SF3B3: variants seen among roughly 807,000 people sequenced by gnomAD.
The protein encoded by SF3B3 is splicing factor 3b subunit 3, also known as SAP 130.
In SF3B3, 33 loss-of-function variants were observed where a neutral mutation model predicts 139.2. The observed-to-expected ratio is 0.24, with a 90% CI of 0.18 to 0.32. The LOEUF is 0.32. Among genes scored for constraint, SF3B3 ranks in the 10% least tolerant of loss-of-function variants. The pLI, the probability that SF3B3 is intolerant of heterozygous loss-of-function variation, is 1.00. For missense variants in SF3B3, 818 were observed against 1,509.4 expected (o/e 0.54, Z 7.59); for synonymous variants, 596 against 563.6 (o/e 1.06, Z -0.81).
rs766466810 is a variant in SF3B3, at chr16:70,568,465, T to C, written c.3135T>C (p.Ala1045=). ...GCCTCCTGGACTATGACACTGTGGC[T>C]GGGGCAGACAAGTTTGGCAACATAT... ...TASLLDYDTV[A]GADKFGNICV... The change falls in exon 22 of 26, where the codon GCT becomes GCC. Residue 1045 remains alanine, a synonymous_variant. Coordinates refer to ENST00000302516, the MANE Select transcript of SF3B3 (RefSeq NM_012426.5). 1.9e-6 allele frequency: 3 copies of C among 1,613,976 alleles called. No homozygotes were observed. The highest frequency in any genetic ancestry group is 1.1e-5 in the South Asian group (1 of 91,070).
At chr16:70,533,773 C>G (rs1285730016) in intron 5 of SF3B3, among the ~76,000 whole-genome samples, 1 of 152,164 alleles carries the variant, frequency 6.6e-6, no homozygotes, top group African/African-American at 2.4e-5. Context: ...GGGGAAGATA[C>G]TGGAGAATAA....
rs747130850 is a variant in SF3B3 at position 70,554,613 on chromosome 16, G to A, written c.1554+16G>A. 1 of 1,613,844 alleles carries A rather than the reference G, an allele frequency of 6.2e-7. No individual in the cohort carries two copies. The highest frequency in any genetic ancestry group is 8.5e-7 in the Non-Finnish European group (1 of 1,179,866). On this transcript the variant is annotated intron_variant, in intron 12 of 25. Coordinates refer to ENST00000302516, the MANE Select transcript of SF3B3 (RefSeq NM_012426.5). ...CTTGGTGCAGGTGAGGGTTCTCAGA[G>A]CTTACCTACTTGGCCTGCTTTGTTC... is the stretch of plus-strand genomic sequence containing the variant.
chr16:70,560,004 A>T (rs896315670), intron 15 of SF3B3, among the ~76,000 whole-genome samples: 3 of 152,142 alleles, frequency 2.0e-5, no homozygotes, highest in Admixed American at 2.0e-4. Context: ...ACATGACCCC[A>T]CTATTTGTAG....
At chr16:70,545,717 G>A (rs1157544340) in intron 10 of SF3B3, among the ~76,000 whole-genome samples, 1 of 152,088 alleles carries the variant, frequency 6.6e-6, no homozygotes, top group Non-Finnish European at 1.5e-5. Context: ...CCACTTAATA[G>A]CTATTACTAA....
chr16:70,550,572 C>G (rs762653587), intron 11 of SF3B3: 1 of 718,940 alleles, frequency 1.4e-6, no homozygotes, highest in Non-Finnish European at 1.7e-6. Context: ...ATGCAGCAGT[C>G]TTCCAGGCAA....
chr16:70,560,615 G>A, intron 16 of SF3B3, 24 bp downstream of exon 16: 1 of 1,610,994 alleles, frequency 6.2e-7, no homozygotes, highest in Non-Finnish European at 8.5e-7. Context: ...GTTGGGGACA[G>A]GCAACATCTT....
At chr16:70,559,417 T>C (rs182859308) in intron 15 of SF3B3, among the ~76,000 whole-genome samples, 1 of 152,302 alleles carries the variant, frequency 6.6e-6, no homozygotes, top group Non-Finnish European at 1.5e-5. Flanking sequence ...TCAGGTGCTG[T>C]GGCTCACACC....
chr16:70,561,533 C>T (rs2050428906), intron 16 of SF3B3, 97 bp from the exon 17 acceptor site: 1 of 1,001,292 alleles, frequency 1.0e-6, no homozygotes, highest in Non-Finnish European at 1.5e-6. Flanking sequence ...GGATACTCTG[C>T]AGACTGAAAT....
chr16:70,556,038 C>G, intron 13 of SF3B3, 141 bp from the exon 14 acceptor site: 3 of 755,316 alleles, frequency 4.0e-6, no homozygotes, highest in Non-Finnish European at 6.4e-6. Flanking sequence ...TTGTCATTTA[C>G]TATAGTAAGA....
At position 70,529,301 on chromosome 16, in the gene SF3B3, C is replaced by T. The variant is rs188583150; in HGVS notation, c.397+102C>T. 173 of 960,106 alleles carry T rather than the reference C, an allele frequency of 1.8e-4. No homozygotes were observed. In the East Asian group the frequency reaches 3.2e-3, roughly 18 times the overall value. The allele number at this position is 960,106 out of a possible 1,614,324, so 59.5% of individuals were successfully genotyped here. A position where few individuals can be genotyped will look rare whatever the true frequency, so the allele number is the denominator to read the frequency against. On this transcript the variant is annotated intron_variant, in intron 3 of 25. Coordinates refer to ENST00000302516, the MANE Select transcript of SF3B3 (RefSeq NM_012426.5). ...CAATTAATTACTTATGTGGGTTTGGCATCATGTTTGGATTTACTCTAGGTT... is the reference window on the plus strand; with the variant it reads ...CAATTAATTACTTATGTGGGTTTGGTATCATGTTTGGATTTACTCTAGGTT...
intron 8 of SF3B3, among the ~76,000 whole-genome samples, chr16:70,540,146 G>A (rs1427055765): frequency 6.8e-6 from 1 of 147,874 alleles, no homozygotes; most frequent in Non-Finnish European, 1.5e-5. Context: ...TGTAATCCAA[G>A]CACTTTGGGA....
intron 13 of SF3B3, 105 bp downstream of exon 13, chr16:70,555,311 C>G (rs1223875579): frequency 2.7e-6 from 3 of 1,118,910 alleles, no homozygotes; most frequent in African/African-American, 1.6e-5. Context: ...AATCCTGTCT[C>G]TACTAAAAAT....
Position 70,528,948 on chromosome 16 carries a change from A to G in SF3B3, c.146A>G (p.Lys49Arg), listed in dbSNP as rs2050093690. The part of the protein sequence containing the change: ...ELLRPDPNTG[K>R]VHTLLTVEVF... ...CTTCGCCCAGACCCCAACACTGGCA[A>G]AGTACATACCCTACTCACTGTGGAA... The change falls in exon 3 of 26, where the codon AAA becomes AGA. Residue 49 changes from lysine to arginine, a missense_variant. Lys to Arg is a conservative substitution (Grantham distance 26, BLOSUM62 2). This residue lies in a region of SF3B3 where 144 missense variants were observed against 259.2 expected (regional missense o/e 0.56). Transcript: ENST00000302516. 3 of 1,614,026 alleles carry G rather than the reference A, an allele frequency of 1.9e-6. No individual in the cohort carries two copies. The highest frequency in any genetic ancestry group is 2.7e-5 in the African/African-American group (2 of 74,918).
rs2050584348 is a variant in SF3B3 at position 70,576,724 on chromosome 16, T to G, written c.*4911T>G. 1 of 152,316 alleles carries G rather than the reference T, an allele frequency of 6.6e-6. No individual in the cohort carries two copies. Among genetic ancestry groups the G allele is most frequent in the South Asian group, 2.1e-4 (1 of 4,822 alleles). The allele number at this position is 152,316 out of a possible 1,614,324, so 9.4% of individuals were successfully genotyped here. A position where few individuals can be genotyped will look rare whatever the true frequency, so the allele number is the denominator to read the frequency against. On this transcript the variant is annotated 3_prime_UTR_variant, in exon 26 of 26. Coordinates refer to ENST00000302516, the MANE Select transcript of SF3B3 (RefSeq NM_012426.5). ...CAGAAACGAGATTCCACCTGCCAAA[T>G]GCCAAGAGGCAGCAAAGTCCATGAA...
chr16:70,571,040 C>G, intron 24 of SF3B3, 55 bp from the exon 25 acceptor site: 1 of 1,206,348 alleles, frequency 8.3e-7, no homozygotes, highest in Non-Finnish European at 1.2e-6. Flanking sequence ...CTTGTGGAAA[C>G]TCTAGACTAG....
At chr16:70,524,438 T>C (rs1345121956) in intron 1 of SF3B3, 1 of 152,306 alleles carries the variant, frequency 6.6e-6, no homozygotes, top group Non-Finnish European at 1.5e-5. Flanking sequence ...CCTTGGAGGA[T>C]GGAGAAGATG....
rs564920475 is a variant in SF3B3 at position 70,571,874 on chromosome 16, A to G, written c.*61A>G. 3 of 1,549,118 alleles carry G rather than the reference A, an allele frequency of 1.9e-6. No individual in the cohort carries two copies. In the Admixed American group the frequency reaches 6.1e-5, roughly 32 times the overall value. ...GTGTTTTGTTTCCCCCACCACCATCACTGCCACCTGGCTTCTGCCATGTGG... is the reference window on the plus strand; with the variant it reads ...GTGTTTTGTTTCCCCCACCACCATCGCTGCCACCTGGCTTCTGCCATGTGG... On this transcript the variant is annotated 3_prime_UTR_variant, in exon 26 of 26. Coordinates refer to ENST00000302516, the MANE Select transcript of SF3B3 (RefSeq NM_012426.5).
chr16:70,538,732 G>T (rs994185797), intron 7 of SF3B3, among the ~76,000 whole-genome samples: 7 of 152,218 alleles, frequency 4.6e-5, no homozygotes, highest in African/African-American at 1.7e-4. Context: ...CTCTGTTTCT[G>T]CTGAAAACTG....
chr16:70,554,319 A>T, intron 11 of SF3B3, 127 bp from the exon 12 acceptor site: 1 of 801,760 alleles, frequency 1.2e-6, no homozygotes, highest in Non-Finnish European at 2.1e-6. Flanking sequence ...GTATGTGTGT[A>T]TGTGTGTAAT....
Sources: gnomAD v4.1 joint callset for allele counts (sites outside exome capture counted in the v4.1 genomes callset) on GRCh38, gnomAD v4.1.1 for gene constraint, gnomAD v4.1.1 regional missense constraint, MANE v1.5 for transcripts, NCBI Gene and HGNC (gene_info 2026-07-23, HGNC 2026-07-21) for gene names.